Variants in USP6 observed in about 807,000 individuals in gnomAD.
USP6 encodes the protein ubiquitin carboxyl-terminal hydrolase 6.
Under a neutral mutation model 175.7 loss-of-function variants are expected in USP6, and 128 were observed. The ratio of observed to expected loss-of-function variants is 0.73; its 90% CI spans 0.63 to 0.84. The LOEUF is 0.84. USP6 is among the 40% of genes least tolerant of loss of function. The pLI is 0.00. For synonymous variants in USP6, 562 were observed against 630.6 expected (o/e 0.89, Z 1.63); for missense variants, 1,498 against 1,760.3 (o/e 0.85, Z 2.67).
chr17:5,172,855 T>C lies in USP6; in HGVS notation c.4098T>C (p.Tyr1366=), dbSNP rs749836025. 5.6e-6 allele frequency: 9 copies of C among 1,613,966 alleles called. No homozygotes were observed. The highest frequency in any genetic ancestry group is 1.7e-4 in the Middle Eastern group (1 of 6,032). The change falls in exon 38 of 38, where the codon TAT becomes TAC. Residue 1366 remains tyrosine, a synonymous_variant. Coordinates refer to ENST00000574788, the MANE Select transcript of USP6 (RefSeq NM_001304284.2). ...CCGACTCTGCCTACATTCTTTTCTA[T>C]GAGCAGCAGGGGATAGACTACGCAC... ...IDTDSAYILF[Y]EQQGIDYAQF...
chr17:5,140,721 C>T (rs2073421439), intron 22 of USP6, among the ~76,000 whole-genome samples: 1 of 152,232 alleles, frequency 6.6e-6, no homozygotes, highest in Non-Finnish European at 1.5e-5. Flanking sequence ...GACTCACCCT[C>T]TGCCTTCAGC....
At chr17:5,157,922 G>A (rs2073920238) in intron 31 of USP6, among the ~76,000 whole-genome samples, 1 of 152,094 alleles carries the variant, frequency 6.6e-6, no homozygotes, top group African/African-American at 2.4e-5. Flanking sequence ...CACTGCACCC[G>A]GCCCAGGCTG....
chr17:5,144,340 C>G (rs574060480), intron 25 of USP6, among the ~76,000 whole-genome samples: 1 of 152,048 alleles, frequency 6.6e-6, no homozygotes, highest in African/African-American at 2.4e-5. Flanking sequence ...ATTTTATATG[C>G]ATATAAAAAT....
intron 17 of USP6, among the ~76,000 whole-genome samples, 190 bp downstream of exon 17, chr17:5,136,118 C>T (rs1303643547): frequency 6.6e-6 from 1 of 152,228 alleles, no homozygotes; most frequent in Non-Finnish European, 1.5e-5. Flanking sequence ...AGATGCCTTT[C>T]ATCCCCATCA....
At chr17:5,159,690 T>C (rs1054029810) in intron 31 of USP6, among the ~76,000 whole-genome samples, 26 of 152,104 alleles carry the variant, frequency 1.7e-4, no homozygotes, top group Non-Finnish European at 3.7e-4. Context: ...GGGTAGGGTG[T>C]GGTGGCTCAA....
Position 5,137,661 on chromosome 17 carries a change from G to T in USP6, c.836G>T (p.Gly279Val). The T allele has an allele frequency of 6.2e-7, 1 of 1,605,620 alleles. No individual in the cohort carries two copies. The change falls in exon 20 of 38, where the codon GGG becomes GTG. Residue 279 changes from glycine to valine, a missense_variant. This residue lies in a region of USP6 where 1,217 missense variants were observed against 1,500.8 expected (regional missense o/e 0.81). Transcript: ENST00000574788. Reference sequence around the variant, plus strand: ...CTGCTGTCCCCACAGATCTCTCTCGGGCTCACCCTGCGCCTGTGGGACGTG... The same window carrying T: ...CTGCTGTCCCCACAGATCTCTCTCGTGCTCACCCTGCGCCTGTGGGACGTG... Reference protein sequence around the residue: ...LRNLIDGISLGLTLRLWDVYL... With the variant: ...LRNLIDGISLVLTLRLWDVYL...
chr17:5,168,907 C>G lies in USP6; in HGVS notation c.3369C>G (p.Leu1123=), dbSNP rs752270524. The change falls in exon 35 of 38, where the codon CTC becomes CTG. Residue 1123 remains leucine, a synonymous_variant. Transcript: ENST00000574788. Reference sequence around the variant, plus strand: ...CGGCCCTCTGCCAGCATAAACCACTCACACCCCAGGGGGATGAGCTCTCCA... The same window carrying G: ...CGGCCCTCTGCCAGCATAAACCACTGACACCCCAGGGGGATGAGCTCTCCA... ...RDPALCQHKP[L]TPQGDELSKP... 1.2e-6 allele frequency: 2 copies of G among 1,613,974 alleles called. No individual in the cohort carries two copies. Among genetic ancestry groups the G allele is most frequent in the Non-Finnish European group, 1.7e-6 (2 of 1,179,862 alleles).
chr17:5,150,421 G>C (rs531288377), intron 30 of USP6, among the ~76,000 whole-genome samples: 14 of 151,530 alleles, frequency 9.2e-5, no homozygotes, highest in Non-Finnish European at 1.6e-4. Flanking sequence ...TGTAAAAAAG[G>C]TACTACTGTA....
At position 5,136,865 on chromosome 17, in the gene USP6, G is replaced by T. The variant is rs573532782; in HGVS notation, c.759+131G>T. On this transcript the variant is annotated intron_variant, in intron 18 of 37. Transcript: ENST00000574788. ...CAGCTAGGGCCTGACCTGGGACGTC[G>T]GGTTCTCCATGGGCTGGGAGTTGGT... 2.9e-5 allele frequency: 42 copies of T among 1,425,026 alleles called. No homozygotes were observed. The African/African-American group carries it at 5.6e-4, about 19-fold the overall frequency. 88.3% of individuals were successfully genotyped at this position (1,425,026 alleles called of 1,614,324 possible). A position where few individuals can be genotyped will look rare whatever the true frequency, so the allele number is the denominator to read the frequency against.
At chr17:5,152,241 CAAA>C (rs61685863) in intron 30 of USP6, among the ~76,000 whole-genome samples, 4 of 90,122 alleles carry the variant, frequency 4.4e-5, no homozygotes, top group East Asian at 3.2e-4. Context: ...GACTCCGTCT[CAAA>C]AAAAAAAAAA....
At position 5,173,708 on chromosome 17, in the gene USP6, C is replaced by G. The variant is rs2074271401; in HGVS notation, c.*730C>G. 9.2e-6 allele frequency: 2 copies of G among 217,344 alleles called. No individual in the cohort carries two copies. Among genetic ancestry groups the G allele is most frequent in the African/African-American group, 4.5e-5 (2 of 44,398 alleles). 13.5% of individuals were successfully genotyped at this position (217,344 alleles called of 1,614,324 possible). A position where few individuals can be genotyped will look rare whatever the true frequency, so the allele number is the denominator to read the frequency against. On this transcript the variant is annotated 3_prime_UTR_variant, in exon 38 of 38. Coordinates refer to ENST00000574788, the MANE Select transcript of USP6 (RefSeq NM_001304284.2). ...TGGGAAATCCAGCTACCAGGGCCCT[C>G]CCAGTGGAGGCATCTTACATTTAGG...
At chr17:5,141,528 G>A in intron 23 of USP6, 29 bp downstream of exon 23, 1 of 1,534,958 alleles carries the variant, frequency 6.5e-7, no homozygotes, top group South Asian at 1.3e-5. Flanking sequence ...TTTTTAAAGA[G>A]ATTATTTTAA....
chr17:5,142,191 C>T (rs2073467624), intron 24 of USP6, 50 bp downstream of exon 24: 7 of 1,578,670 alleles, frequency 4.4e-6, no homozygotes, highest in Non-Finnish European at 6.0e-6. Flanking sequence ...TTGATATAAA[C>T]CCACTATCAC....
intron 9 of USP6, 66 bp from the exon 10 acceptor site, chr17:5,130,301 G>T: frequency 6.5e-7 from 1 of 1,532,996 alleles, no homozygotes; most frequent in South Asian, 1.1e-5. Context: ...AGCCCGGTGG[G>T]AGCGGTTCAG....
chr17:5,142,614 CCTTTA>C (rs1331231105), intron 25 of USP6, 112 bp downstream of exon 25: 11 of 1,429,008 alleles, frequency 7.7e-6, no homozygotes, highest in African/African-American at 2.9e-5. Flanking sequence ...GTTTTTGGAT[CCTTTA>C]CTTGGTATAA....
At chr17:5,172,174 C>CAAA (rs539259328) in intron 37 of USP6, among the ~76,000 whole-genome samples, 1 of 99,916 alleles carries the variant, frequency 1.0e-5, no homozygotes, top group Non-Finnish European at 2.1e-5. Context: ...GGCTCTGTCT[C>CAAA]AAAAAAAAAA....
At position 5,138,246 on chromosome 17, in the gene USP6, A is replaced by G; in HGVS notation, c.1051A>G (p.Arg351Gly). The stretch of plus-strand genomic sequence containing the variant: ...TAGGGCCTCTACGAAGAAACTAACA[A>G]GGAAGCAAGGGGACCTGCCACCCCC... ...HLRASTKKLTRKQGDLPPPAK... is the reference protein window; with the variant it reads ...HLRASTKKLTGKQGDLPPPAK... Residue 351 changes from arginine to glycine, a missense_variant, in exon 21 of 38, where the codon AGG becomes GGG. Arg to Gly is a moderately radical substitution (Grantham distance 125). Coordinates refer to ENST00000574788, the MANE Select transcript of USP6 (RefSeq NM_001304284.2). The G allele has an allele frequency of 1.9e-6, 3 of 1,613,858 alleles. No individual in the cohort carries two copies. The highest frequency in any genetic ancestry group is 2.5e-6 in the Non-Finnish European group (3 of 1,179,944).
intron 33 of USP6, among the ~76,000 whole-genome samples, chr17:5,165,345 T>C (rs973069987): frequency 3.9e-5 from 6 of 152,202 alleles, no homozygotes; most frequent in African/African-American, 1.4e-4. Context: ...CTCTCCTGTT[T>C]GGACCTCAGA....
intron 31 of USP6, 113 bp from the exon 32 acceptor site, chr17:5,161,415 C>T: frequency 9.6e-7 from 1 of 1,038,578 alleles, no homozygotes; most frequent in South Asian, 1.5e-5. Context: ...TCAACATGAG[C>T]ATACTGCTGT....
Sources: gnomAD v4.1 joint callset for allele counts (sites outside exome capture counted in the v4.1 genomes callset) on GRCh38, gnomAD v4.1.1 for gene constraint, gnomAD v4.1.1 regional missense constraint, MANE v1.5 for transcripts, NCBI Gene and HGNC (gene_info 2026-07-23, HGNC 2026-07-21) for gene names.